SLC35F2: variants seen among roughly 807,000 people sequenced by gnomAD.
SLC35F2 encodes solute carrier family 35 member F2.
In SLC35F2, 25 loss-of-function variants were observed where a neutral mutation model predicts 38.1. That is an observed-to-expected ratio of 0.66 (90% CI 0.48 to 0.92). The LOEUF (loss-of-function observed/expected upper bound fraction) is 0.92. Among genes scored for constraint, SLC35F2 ranks in the 40% least tolerant of loss-of-function variants. The pLI is 0.00. For missense variants in SLC35F2, 409 were observed against 452.9 expected (o/e 0.90, Z 0.88); for synonymous variants, 173 against 181.7 (o/e 0.95, Z 0.38).
intron 1 of SLC35F2, among the ~76,000 whole-genome samples, chr11:107,845,991 C>A (rs1860099458): frequency 8.4e-6 from 1 of 118,618 alleles, no homozygotes; most frequent in Non-Finnish European, 1.8e-5. Context: ...AAATAAATAA[C>A]ATAGGCTCCT....
Position 107,796,405 on chromosome 11 carries a change from C to T in SLC35F2, c.940-3605G>A, listed in dbSNP as rs1465222788. Among the ~76,000 whole-genome samples, 17 of 151,932 alleles carry T rather than the reference C, an allele frequency of 1.1e-4. No homozygotes were observed. In the South Asian group the frequency reaches 1.2e-3, roughly 11 times the overall value. ...TGTCCGTCAGTGGACAAATGAATAACGAAAATATGATATATAAACACAATG... is the reference window on the plus strand; with the variant it reads ...TGTCCGTCAGTGGACAAATGAATAATGAAAATATGATATATAAACACAATG... On this transcript the variant is annotated intron_variant, in intron 7 of 7. Transcript: ENST00000525815.
At position 107,815,931 on chromosome 11, in the gene SLC35F2, A is replaced by C; in HGVS notation, c.145T>G (p.Leu49Val). The C allele has an allele frequency of 6.2e-7, 1 of 1,612,608 alleles. No homozygotes were observed. Among genetic ancestry groups the C allele is most frequent in the African/African-American group, 1.3e-5 (1 of 74,866 alleles). ...ILKTIALGQM[L>V]SLCICGTAIT... ...GCTGTCCCACATATACACAAGGACA[A>C]CATCTGACCCAGGGCAATTGTTTTC... is the stretch of plus-strand genomic sequence containing the variant. The change falls in exon 2 of 8, where the codon TTG (leucine) becomes GTG (valine). Residue 49 changes from leucine (L) to valine (V), a missense_variant. By Grantham distance (32) the Leu-to-Val change is conservative. Transcript: ENST00000525815.
intron 7 of SLC35F2, among the ~76,000 whole-genome samples, chr11:107,797,960 C>A (rs1859247351): frequency 1.3e-5 from 2 of 151,596 alleles, no homozygotes; most frequent in Non-Finnish European, 2.9e-5. Flanking sequence ...GTTTGGAGTA[C>A]TCTAAACTTT....
At chr11:107,843,865 AAAAATATATATATATATATATAT>A (rs1413832730) in intron 1 of SLC35F2, among the ~76,000 whole-genome samples, 3 of 35,352 alleles carry the variant, frequency 8.5e-5, no homozygotes, top group African/African-American at 2.4e-4. Context: ...AAAAAAAAAA[AAAAATATATATATATATATATAT>A]ATATATATAT....
At chr11:107,799,756 G>C (rs1225098802) in intron 7 of SLC35F2, among the ~76,000 whole-genome samples, 1 of 152,050 alleles carries the variant, frequency 6.6e-6, no homozygotes, top group African/African-American at 2.4e-5. Flanking sequence ...TACTTGTAAA[G>C]ACGGGGTTTC....
chr11:107,808,120 G>A (rs148607464), intron 3 of SLC35F2, among the ~76,000 whole-genome samples: 1 of 152,142 alleles, frequency 6.6e-6, no homozygotes, highest in Non-Finnish European at 1.5e-5. Flanking sequence ...AGAAGCATGG[G>A]TTACTGTGAG....
chr11:107,845,103 A>G (rs1860085198), intron 1 of SLC35F2, among the ~76,000 whole-genome samples: 1 of 152,106 alleles, frequency 6.6e-6, no homozygotes, highest in Admixed American at 6.6e-5. Context: ...TTCTTGCTTC[A>G]TATCACAGTG....
Position 107,844,267 on chromosome 11 carries a change from C to T in SLC35F2, c.110+14391G>A, listed in dbSNP as rs539412161. Among the ~76,000 whole-genome samples the T allele has an allele frequency of 3.3e-5, 5 of 152,268 alleles. No individual in the cohort carries two copies. The East Asian group carries it at 5.8e-4, about 18-fold the overall frequency. ...GTTAGGCAAAATTACCTCACCTCTC[C>T]GTGCTCCAACTTTCACATCTGTGAA... On this transcript the variant is annotated intron_variant, in intron 1 of 7. Transcript: ENST00000525815.
At chr11:107,805,727 G>C in intron 4 of SLC35F2, 1 of 936,288 alleles carries the variant, frequency 1.1e-6, no homozygotes, top group Non-Finnish European at 1.3e-6. Context: ...GCTCAGGCTG[G>C]AGTGCAGTGG....
At chr11:107,827,739 ACT>A (rs1859777069) in intron 1 of SLC35F2, among the ~76,000 whole-genome samples, 1 of 135,574 alleles carries the variant, frequency 7.4e-6, no homozygotes, top group Admixed American at 7.5e-5. Context: ...ACAGAGCAAG[ACT>A]CTGTCTCAAA....
chr11:107,815,408 T>A (rs1012585900), intron 2 of SLC35F2, among the ~76,000 whole-genome samples: 34 of 144,098 alleles, frequency 2.4e-4, no homozygotes, highest in African/African-American at 8.1e-4. Flanking sequence ...AAAAAAAAAA[T>A]TAGCCAGGCA....
At chr11:107,806,907 C>T (rs776810861) in intron 3 of SLC35F2, 31 bp from the exon 4 acceptor site, 10 of 1,598,670 alleles carry the variant, frequency 6.3e-6, no homozygotes, top group Non-Finnish European at 7.7e-6. Context: ...CAGTTTAAAA[C>T]ATATCTCTCA....
At chr11:107,811,977 C>T (rs925354337) in intron 2 of SLC35F2, among the ~76,000 whole-genome samples, 183 bp from the exon 3 acceptor site, 6 of 152,112 alleles carry the variant, frequency 3.9e-5, no homozygotes, top group Non-Finnish European at 8.8e-5. Context: ...TCTCGGCTCA[C>T]TGCAACCTCT....
chr11:107,842,576 G>A (rs1411937194), intron 1 of SLC35F2, among the ~76,000 whole-genome samples: 1 of 152,100 alleles, frequency 6.6e-6, no homozygotes, highest in Non-Finnish European at 1.5e-5. Flanking sequence ...CTGGAATGCA[G>A]TGGCGCAATC....
chr11:107,796,140 AAAG>A (rs1158164062), intron 7 of SLC35F2, among the ~76,000 whole-genome samples: 2 of 152,324 alleles, frequency 1.3e-5, no homozygotes, highest in African/African-American at 4.8e-5. Flanking sequence ...AAGAAAAGAA[AAAG>A]AAAAGGGAAC....
At chr11:107,833,777 G>C (rs952716628) in intron 1 of SLC35F2, among the ~76,000 whole-genome samples, 2 of 152,104 alleles carry the variant, frequency 1.3e-5, no homozygotes, top group East Asian at 1.9e-4. Context: ...AAATTCTCTC[G>C]GCCCCAAGGA....
At chr11:107,829,064 C>T (rs1859795812) in intron 1 of SLC35F2, among the ~76,000 whole-genome samples, 2 of 149,620 alleles carry the variant, frequency 1.3e-5, no homozygotes, top group Non-Finnish European at 3.0e-5. Flanking sequence ...GCCAAGATCA[C>T]GCCACTGCAC....
Position 107,792,643 on chromosome 11 carries a change from AG to A in SLC35F2, c.1096del (p.Leu366SerfsTer22), listed in dbSNP as rs769429395. 4 of 1,613,004 alleles carry A rather than the reference AG, an allele frequency of 2.5e-6. No homozygotes were observed. In the East Asian group the frequency reaches 8.9e-5, roughly 36 times the overall value. ...DNLGLKLEEN[L>X]QETHSAVL ...CAAGACAGCAGAGTGGGTCTCCTGG[AG>A]GTTCTCCTCCAGCTTCAGCCCCAGG... On this transcript the variant is annotated frameshift_variant, in exon 8 of 8. Coordinates refer to ENST00000525815, the MANE Select transcript of SLC35F2 (RefSeq NM_017515.5). LOFTEE classifies it high-confidence loss of function.
intron 1 of SLC35F2, among the ~76,000 whole-genome samples, chr11:107,847,597 A>T (rs1386055823): frequency 6.6e-6 from 1 of 152,184 alleles, no homozygotes; most frequent in Admixed American, 6.6e-5. Context: ...TCTGTCCTTA[A>T]AAAGGCACTC....
Sources: allele counts gnomAD v4.1 joint callset (sites outside exome capture counted in the v4.1 genomes callset), GRCh38; gene constraint gnomAD v4.1.1; transcripts MANE v1.5; gene names NCBI Gene and HGNC (gene_info 2026-07-23, HGNC 2026-07-21).